Variants in INPP4A observed in about 807,000 individuals in gnomAD.
INPP4A encodes the protein inositol polyphosphate-4-phosphatase type I A.
A neutral mutation model predicts 119.8 loss-of-function variants in INPP4A; 33 were observed. The observed-to-expected ratio is 0.28, with a 90% CI of 0.21 to 0.37. The LOEUF (loss-of-function observed/expected upper bound fraction) is 0.37, where lower values mean the gene tolerates loss of function less well. INPP4A is among the 10% of genes least tolerant of loss of function. The pLI is 1.00. For synonymous variants in INPP4A, 496 were observed against 500.7 expected (o/e 0.99, Z 0.12); for missense variants, 956 against 1,289.9 (o/e 0.74, Z 3.97).
intron 1 of INPP4A, among the ~76,000 whole-genome samples, chr2:98,455,589 C>T (rs1695999889): frequency 6.6e-6 from 1 of 152,104 alleles, no homozygotes; most frequent in Admixed American, 6.5e-5. Context: ...AGGTGATTTC[C>T]TTTGTTCCTC....
intron 23 of INPP4A, 64 bp from the exon 24 acceptor site, chr2:98,576,925 T>C: frequency 3.2e-6 from 5 of 1,559,840 alleles, no homozygotes; most frequent in Non-Finnish European, 4.4e-6. Flanking sequence ...CTTTCCTGTG[T>C]GTGAAGGGTG....
At chr2:98,532,893 T>C (rs541748823) in intron 4 of INPP4A, among the ~76,000 whole-genome samples, 13 of 152,260 alleles carry the variant, frequency 8.5e-5, no homozygotes, top group African/African-American at 2.9e-4. Context: ...TGCCATAGAA[T>C]TCTAATTTTC....
chr2:98,511,657 T>C (rs535197867), intron 1 of INPP4A, among the ~76,000 whole-genome samples: 6 of 152,254 alleles, frequency 3.9e-5, no homozygotes, highest in African/African-American at 1.2e-4. Context: ...CAGGGTCCAC[T>C]CACACTCCTC....
Position 98,533,402 on chromosome 2 carries a change from G to A in INPP4A, c.177G>A (p.Ser59=), listed in dbSNP as rs778751749. ...SLACSELHTP[S]LDRKPNSFVA... is the part of the protein sequence containing the mutation. ...CTTGCAGTGAGCTGCATACTCCATC[G>A]CTAGATCGAAAGCCAAATAGTTTTG... Residue 59 remains serine, a synonymous_variant, in exon 5 of 25, where the codon TCG becomes TCA. Transcript: ENST00000409851. 1.7e-5 allele frequency: 27 copies of A among 1,613,136 alleles called. No homozygotes were observed. In the Middle Eastern group the frequency reaches 4.9e-4, roughly 30 times the overall value.
intron 1 of INPP4A, among the ~76,000 whole-genome samples, chr2:98,500,506 A>G (rs1682906477): frequency 6.6e-6 from 1 of 152,196 alleles, no homozygotes; most frequent in Non-Finnish European, 1.5e-5. Flanking sequence ...TTTATCCAGG[A>G]CCATCACAAT....
At chr2:98,463,254 A>T (rs1673983674) in intron 1 of INPP4A, among the ~76,000 whole-genome samples, 1 of 152,236 alleles carries the variant, frequency 6.6e-6, no homozygotes. Context: ...CTGGCCTATC[A>T]AGCGGCCAAC....
At chr2:98,456,828 A>G (rs1696223256) in intron 1 of INPP4A, among the ~76,000 whole-genome samples, 2 of 152,200 alleles carry the variant, frequency 1.3e-5, no homozygotes, top group South Asian at 4.1e-4. Flanking sequence ...AAATAACTCC[A>G]TTGGAGGGAG....
intron 1 of INPP4A, among the ~76,000 whole-genome samples, chr2:98,502,444 A>T (rs1287879065): frequency 6.6e-6 from 1 of 152,152 alleles, no homozygotes; most frequent in Non-Finnish European, 1.5e-5. Flanking sequence ...AGAGTGTTTT[A>T]AAAAATGTAA....
At chr2:98,483,571 T>G (rs1210697910) in intron 1 of INPP4A, among the ~76,000 whole-genome samples, 1 of 152,182 alleles carries the variant, frequency 6.6e-6, no homozygotes, top group African/African-American at 2.4e-5. Flanking sequence ...GGCAGGCTAG[T>G]CTGTGTCCAT....
intron 1 of INPP4A, among the ~76,000 whole-genome samples, chr2:98,491,513 A>G (rs894914231): frequency 2.6e-5 from 4 of 152,220 alleles, no homozygotes; most frequent in African/African-American, 9.6e-5. Context: ...AAAGCTGATT[A>G]CCTGGTGGCA....
intron 4 of INPP4A, chr2:98,520,989 G>C: frequency 2.8e-6 from 1 of 359,012 alleles, no homozygotes; most frequent in Non-Finnish European, 5.0e-6. Flanking sequence ...CTCCACAGGT[G>C]GCTGGGGACA....
chr2:98,539,723 G>T, intron 10 of INPP4A, 48 bp downstream of exon 10: 1 of 1,556,012 alleles, frequency 6.4e-7, no homozygotes. Flanking sequence ...CATGTCATGT[G>T]CCCCTTCCTT....
chr2:98,558,287 C>T (rs1205942815), intron 16 of INPP4A, among the ~76,000 whole-genome samples: 1 of 152,166 alleles, frequency 6.6e-6, no homozygotes, highest in Non-Finnish European at 1.5e-5. Context: ...CATTCATAAG[C>T]TCAGAATCCT....
Position 98,565,692 on chromosome 2 carries a change from G to A in INPP4A, c.2205G>A (p.Arg735=), listed in dbSNP as rs1030932600. ...EDMSLGIMDL[R]NVTFKVTQAT... ...TGAGCCTTGGGATCATGGACTTGAGGAACGTGACCTTCAAAGTCACTCAGG... is the reference window on the plus strand; with the variant it reads ...TGAGCCTTGGGATCATGGACTTGAGAAACGTGACCTTCAAAGTCACTCAGG... The change falls in exon 20 of 25, where the codon AGG becomes AGA. Residue 735 remains arginine, a synonymous_variant. Transcript: ENST00000409851. 7 of 1,613,486 alleles carry A rather than the reference G, an allele frequency of 4.3e-6. No homozygotes were observed. In the Admixed American group the frequency reaches 8.3e-5, roughly 19 times the overall value.
At chr2:98,564,494 G>T (rs1696067344) in intron 18 of INPP4A, 146 bp from the exon 19 acceptor site, 4 of 957,582 alleles carry the variant, frequency 4.2e-6, no homozygotes, top group Admixed American at 4.0e-5. Flanking sequence ...GCCCCACCTG[G>T]GCTTCTCAAG....
At chr2:98,565,795 C>G in intron 20 of INPP4A, 29 bp downstream of exon 20, 6 of 1,601,892 alleles carry the variant, frequency 3.7e-6, no homozygotes, top group Non-Finnish European at 5.1e-6. Flanking sequence ...ATTCTCTGAG[C>G]CAGAGAGCGG....
At chr2:98,553,753 T>C (rs1336897987) in intron 14 of INPP4A, among the ~76,000 whole-genome samples, 1 of 152,234 alleles carries the variant, frequency 6.6e-6, no homozygotes, top group East Asian at 1.9e-4. Context: ...GCAGTAACAT[T>C]ATGAACCACA....
intron 1 of INPP4A, among the ~76,000 whole-genome samples, chr2:98,501,629 C>T (rs938260429): frequency 2.0e-5 from 3 of 152,116 alleles, no homozygotes; most frequent in African/African-American, 7.2e-5. Flanking sequence ...GAGCAAATGA[C>T]AAAACAGAAT....
rs1393744783 is a variant in INPP4A, at chr2:98,589,053, A to G, written c.*1445A>G. 1 of 181,838 alleles carries G rather than the reference A, an allele frequency of 5.5e-6. No homozygotes were observed. Among genetic ancestry groups the G allele is most frequent in the African/African-American group, 2.4e-5 (1 of 42,450 alleles). The allele number at this position is 181,838 out of a possible 1,614,324, so 11.3% of individuals were successfully genotyped here. On this transcript the variant is annotated 3_prime_UTR_variant, in exon 25 of 25. Coordinates refer to ENST00000409851, the MANE Select transcript of INPP4A (RefSeq NM_001134225.2). ...TGGGCATCAGGTAGGGTGGAACTGG[A>G]TGACCTTCCAGACCCCCTCCTACTC...
Sources: gnomAD v4.1 joint callset for allele counts (sites outside exome capture counted in the v4.1 genomes callset) on GRCh38, gnomAD v4.1.1 for gene constraint, MANE v1.5 for transcripts, NCBI Gene and HGNC (gene_info 2026-07-23, HGNC 2026-07-21) for gene names.